The following LRRC37A variants were observed in gnomAD, a reference collection of about 807,000 sequenced individuals.
LRRC37A encodes leucine rich repeat containing 37A.
A neutral mutation model predicts 35.4 loss-of-function variants in LRRC37A; 3 were observed. That is an observed-to-expected ratio of 0.08 (90% confidence interval 0.04 to 0.22). The LOEUF (loss-of-function observed/expected upper bound fraction) is 0.22. Among genes scored for constraint, LRRC37A ranks in the 10% least tolerant of loss-of-function variants. The pLI is 1.00. For missense variants in LRRC37A, 67 were observed against 565.3 expected, an observed-to-expected ratio of 0.12 and a Z score of 8.94; for synonymous variants, 23 against 215.0, an observed-to-expected ratio of 0.11 and a Z score of 7.81.
the LRRC37A span, among the ~76,000 whole-genome samples, chr17:46,254,050 CT>C: frequency 1.3e-5 from 2 of 152,182 alleles, no homozygotes; most frequent in South Asian, 4.1e-4. Flanking sequence ...AGAGGCCATC[CT>C]TTTTTGTAGG....
chr17:46,252,369 TTTTC>T, the LRRC37A span, among the ~76,000 whole-genome samples: 6 of 145,670 alleles, frequency 4.1e-5, no homozygotes, highest in African/African-American at 1.5e-4. Flanking sequence ...CATGCCTCCA[TTTTC>T]TTTCTTTTTT....
the LRRC37A span, chr17:46,267,610 C>CT: frequency 7.1e-6 from 11 of 1,549,158 alleles, no homozygotes; most frequent in African/African-American, 5.6e-5. Flanking sequence ...GTCGTCCAGT[C>CT]TTTTTTTGGG....
At chr17:46,259,040 T>TTTTTTTTTTTTTTA in the LRRC37A span, among the ~76,000 whole-genome samples, 1 of 131,306 alleles carries the variant, frequency 7.6e-6, no homozygotes, top group Non-Finnish European at 1.5e-5. Flanking sequence ...TTTTTTTTTT[T>TTTTTTTTTTTTTTA]TTTTTTTTTT....
chr17:46,291,495 T>C (rs1239122225), upstream of LRRC37A, among the ~76,000 whole-genome samples: 6 of 149,084 alleles, frequency 4.0e-5, no homozygotes, highest in Admixed American at 6.6e-5. Context: ...GAGGCAGTGA[T>C]AGGCTCCCTG....
chr17:46,321,357 G>GA (rs763727306), intron 5 of LRRC37A, among the ~76,000 whole-genome samples: 5,060 of 31,314 alleles, frequency 0.16, 63 homozygotes, highest in Admixed American at 0.22. Flanking sequence ...CTCCGTCTCA[G>GA]AAAAAAAAAA....
the LRRC37A span, chr17:46,260,544 C>G: frequency 3.2e-6 from 5 of 1,575,032 alleles, no homozygotes; most frequent in African/African-American, 2.7e-5. Context: ...TCTCCCTGAC[C>G]CACGCCTCCA....
At chr17:46,249,826 A>G in the LRRC37A span, among the ~76,000 whole-genome samples, 1 of 152,190 alleles carries the variant, frequency 6.6e-6, no homozygotes, top group African/African-American at 2.4e-5. Context: ...TGTTTTTGAG[A>G]TGGAGTCTCG....
At chr17:46,251,447 G>C in the LRRC37A span, among the ~76,000 whole-genome samples, 1 of 152,072 alleles carries the variant, frequency 6.6e-6, no homozygotes, top group Non-Finnish European at 1.5e-5. Context: ...TAGTAGAGAT[G>C]GGGTTTCTCC....
the LRRC37A span, among the ~76,000 whole-genome samples, chr17:46,272,734 A>G: frequency 6.6e-6 from 1 of 152,230 alleles, no homozygotes; most frequent in Admixed American, 6.5e-5. Flanking sequence ...GTGTTTTTCA[A>G]AAATTACTTT....
At chr17:46,265,319 T>C in the LRRC37A span, among the ~76,000 whole-genome samples, 2 of 137,760 alleles carry the variant, frequency 1.5e-5, no homozygotes, top group East Asian at 3.6e-4. Context: ...CTTCTTCCTC[T>C]TCTTCTTTTT....
At chr17:46,254,010 G>A in the LRRC37A span, among the ~76,000 whole-genome samples, 1 of 152,220 alleles carries the variant, frequency 6.6e-6, no homozygotes, top group Non-Finnish European at 1.5e-5. Context: ...CCAGCAGAGG[G>A]CGCTGCTCCA....
chr17:46,268,622 C>G, the LRRC37A span: 1 of 1,555,580 alleles, frequency 6.4e-7, no homozygotes, highest in South Asian at 1.2e-5. Context: ...GGAGCAGCAG[C>G]AGCTATGTGA....
chr17:46,263,873 AAG>A, the LRRC37A span, among the ~76,000 whole-genome samples: 3 of 130,760 alleles, frequency 2.3e-5, no homozygotes, highest in African/African-American at 5.1e-5. Context: ...AAAAAAAAAA[AAG>A]AGAGAGAGAC....
the LRRC37A span, chr17:46,260,273 G>A: frequency 5.6e-4 from 852 of 1,516,610 alleles, 5 homozygotes; most frequent in Middle Eastern, 9.3e-4. Context: ...TTGTGCAGCG[G>A]GCGATGGCGG....
chr17:46,260,275 C>G, the LRRC37A span: 1 of 1,515,454 alleles, frequency 6.6e-7, no homozygotes, highest in African/African-American at 1.4e-5. Flanking sequence ...GTGCAGCGGG[C>G]GATGGCGGCC....
the LRRC37A span, among the ~76,000 whole-genome samples, chr17:46,260,901 G>A: frequency 6.6e-6 from 1 of 152,214 alleles, no homozygotes; most frequent in African/African-American, 2.4e-5. Context: ...GGGATTACAG[G>A]CATGAGCCAC....
At chr17:46,291,868 G>A (rs1314357408), upstream of LRRC37A, among the ~76,000 whole-genome samples, 7 of 151,382 alleles carry the variant, frequency 4.6e-5, no homozygotes, top group Non-Finnish European at 8.8e-5. Flanking sequence ...ACCTGAGGCG[G>A]AAGGACTTAC....
the LRRC37A span, among the ~76,000 whole-genome samples, chr17:46,276,537 T>C: frequency 1.3e-5 from 2 of 152,164 alleles, no homozygotes; most frequent in Non-Finnish European, 2.9e-5. Context: ...AGAAAGAATA[T>C]GGATGGTATA....
At chr17:46,248,831 A>G in the LRRC37A span, among the ~76,000 whole-genome samples, 2 of 151,986 alleles carry the variant, frequency 1.3e-5, no homozygotes, top group African/African-American at 2.4e-5. Context: ...CACTTATCAT[A>G]TTATTTTTTG....
Sources: gnomAD v4.1 joint callset for allele counts (sites outside exome capture counted in the v4.1 genomes callset) on GRCh38, gnomAD v4.1.1 for gene constraint, MANE v1.5 for transcripts, NCBI Gene and HGNC (gene_info 2026-07-23, HGNC 2026-07-21) for gene names.